The following SLC39A11 variants were observed in gnomAD, a reference collection of about 807,000 sequenced individuals.
SLC39A11 encodes the protein zinc transporter ZIP11.
SLC39A11 carries 33 observed loss-of-function variants against 36.1 expected under a neutral mutation model. The ratio of observed to expected loss-of-function variants is 0.91; its 90% CI spans 0.69 to 1.22. SLC39A11 has a LOEUF of 1.22. Ranked by LOEUF, SLC39A11 falls within the 50% of genes most tolerant of loss-of-function variation. The probability of loss-of-function intolerance (pLI) is 0.00; values close to 1 mark genes in which losing one functional copy is unlikely to be tolerated. For synonymous variants in SLC39A11, 166 were observed against 170.3 expected, an observed-to-expected ratio of 0.97 and a Z score of 0.20; for missense variants, 432 against 430.3, an observed-to-expected ratio of 1.00 and a Z score of -0.03.
intron 5 of SLC39A11, among the ~76,000 whole-genome samples, chr17:72,909,949 T>C (rs1223975875): frequency 6.6e-6 from 1 of 151,922 alleles, no homozygotes; most frequent in Admixed American, 6.6e-5. Flanking sequence ...AGACGGGGTT[T>C]CACCGTGTTA....
intron 7 of SLC39A11, among the ~76,000 whole-genome samples, chr17:72,670,526 T>A (rs1286075966): frequency 1.3e-5 from 2 of 152,224 alleles, no homozygotes; most frequent in South Asian, 4.1e-4. Flanking sequence ...TTAATTGAAA[T>A]TTATCTATAA....
At position 72,926,429 on chromosome 17, in the gene SLC39A11, G is replaced by A. The variant is rs114438954; in HGVS notation, c.430+21323C>T. Among the ~76,000 whole-genome samples the A allele has an allele frequency of 4.0e-3, 605 of 152,294 alleles. 4 individuals carry two copies. The highest frequency in any genetic ancestry group is 0.013 in the African/African-American group (556 of 41,578). ...CAATATCAGGGATTGTGTTTGTCTTGTGAAGTCCTTTTTGCCCCTCAGGGA... is the reference window on the plus strand; with the variant it reads ...CAATATCAGGGATTGTGTTTGTCTTATGAAGTCCTTTTTGCCCCTCAGGGA... On this transcript the variant is annotated intron_variant, in intron 5 of 9. Coordinates refer to ENST00000255559, the MANE Select transcript of SLC39A11 (RefSeq NM_139177.4).
At chr17:72,773,929 G>A (rs1474041530) in intron 6 of SLC39A11, among the ~76,000 whole-genome samples, 1 of 152,336 alleles carries the variant, frequency 6.6e-6, no homozygotes, top group Non-Finnish European at 1.5e-5. Context: ...TCCCACAGAT[G>A]AGCCTGGACT....
chr17:72,762,312 G>A (rs1463525347), intron 6 of SLC39A11, among the ~76,000 whole-genome samples: 1 of 152,210 alleles, frequency 6.6e-6, no homozygotes, highest in East Asian at 1.9e-4. Flanking sequence ...GTGACCTTTG[G>A]TCGTCCTCAC....
At chr17:72,868,618 C>CAAAAAAAAAAAAAA (rs71354894) in intron 5 of SLC39A11, among the ~76,000 whole-genome samples, 48 of 56,490 alleles carry the variant, frequency 8.5e-4, no homozygotes, top group Non-Finnish European at 1.1e-3. Flanking sequence ...CCTGTCTCTA[C>CAAAAAAAAAAAAAA]AAAAAAAAAA....
At chr17:73,005,901 A>G (rs191541408) in intron 4 of SLC39A11, among the ~76,000 whole-genome samples, 142 of 152,028 alleles carry the variant, frequency 9.3e-4, no homozygotes, top group Non-Finnish European at 1.5e-3. Context: ...CAGTGAGCCG[A>G]GATCACACCA....
At chr17:73,092,418 C>G (rs2060955759) in intron 1 of SLC39A11, 193 bp downstream of exon 1, 2 of 151,282 alleles carry the variant, frequency 1.3e-5, no homozygotes, top group South Asian at 4.2e-4. Context: ...CCCACCGCCC[C>G]TCACCCTCCC....
chr17:72,743,103 G>T (rs2074779153), intron 6 of SLC39A11, among the ~76,000 whole-genome samples: 1 of 152,188 alleles, frequency 6.6e-6, no homozygotes, highest in Admixed American at 6.5e-5. Flanking sequence ...GCTGACTTGT[G>T]ACATAAATGC....
intron 4 of SLC39A11, among the ~76,000 whole-genome samples, chr17:72,986,931 T>C (rs985308527): frequency 2.6e-5 from 4 of 152,196 alleles, no homozygotes; most frequent in Non-Finnish European, 5.9e-5. Context: ...TATTGTCCAA[T>C]AAACCACAAA....
At chr17:72,898,489 C>G (rs2082144566) in intron 5 of SLC39A11, among the ~76,000 whole-genome samples, 2 of 152,102 alleles carry the variant, frequency 1.3e-5, no homozygotes, top group Non-Finnish European at 2.9e-5. Context: ...GGACCAGACC[C>G]AAGAATCTTA....
At chr17:72,737,067 G>GGA (rs35724592) in intron 6 of SLC39A11, among the ~76,000 whole-genome samples, 37,230 of 152,068 alleles carry the variant, frequency 0.24, 4,768 homozygotes, top group Non-Finnish European at 0.27. Context: ...CCTGAGGTCA[G>GGA]GAGTTCGAGA....
At chr17:72,785,192 A>G (rs1186489938) in intron 6 of SLC39A11, among the ~76,000 whole-genome samples, 1 of 152,194 alleles carries the variant, frequency 6.6e-6, no homozygotes, top group African/African-American at 2.4e-5. Flanking sequence ...GTATTTCTTT[A>G]TAGCAATGCA....
At chr17:72,752,836 T>C (rs1241884971) in intron 6 of SLC39A11, among the ~76,000 whole-genome samples, 1 of 152,138 alleles carries the variant, frequency 6.6e-6, no homozygotes, top group Non-Finnish European at 1.5e-5. Flanking sequence ...CATCTTTGTT[T>C]CTGGAGTTTT....
chr17:73,023,647 G>A lies in SLC39A11; in HGVS notation c.306+7909C>T, dbSNP rs540267440. On this transcript the variant is annotated intron_variant, in intron 4 of 9. Transcript: ENST00000255559. ...TGGGACTACAGGTGTGTGCCACCAC[G>A]CCTGGCTAATTTTTTGTATTTTTAG... 5.9e-5 allele frequency among the ~76,000 whole-genome samples: 9 copies of A among 152,124 alleles called. No homozygotes were observed. The South Asian group carries it at 6.2e-4, about 11-fold the overall frequency.
chr17:73,019,420 A>T (rs909468068), intron 4 of SLC39A11, among the ~76,000 whole-genome samples: 4 of 152,214 alleles, frequency 2.6e-5, no homozygotes, highest in Non-Finnish European at 5.9e-5. Flanking sequence ...AAATAGTATG[A>T]ACCAAAGAGG....
At position 73,004,232 on chromosome 17, in the gene SLC39A11, A is replaced by AAAGAAAAGAAAAGAAAAG; in HGVS notation, c.306+27323_306+27324insCTTTTCTTTTCTTTTCTT. 3.9e-4 allele frequency among the ~76,000 whole-genome samples: 35 copies of AAAGAAAAGAAAAGAAAAG among 88,706 alleles called. 1 individual carries two copies. The highest frequency in any genetic ancestry group is 6.3e-3 in the Middle Eastern group (1 of 160). 58.2% of individuals were successfully genotyped at this position (88,706 alleles called of 152,430 possible). On this transcript the variant is annotated intron_variant, in intron 4 of 9. Coordinates refer to ENST00000255559, the MANE Select transcript of SLC39A11 (RefSeq NM_139177.4). ...GAAAGAAAGAAAGAAAGAAAGAAAG[A>AAAGAAAAGAAAAGAAAAG]AAAGAAAGAAAGAGAAAAAGCAAGC...
chr17:72,913,574 AG>A (rs1277738279), intron 5 of SLC39A11, among the ~76,000 whole-genome samples: 1 of 152,120 alleles, frequency 6.6e-6, no homozygotes, highest in Non-Finnish European at 1.5e-5. Context: ...AGTAGGGGGT[AG>A]GGGGAGAGAG....
intron 6 of SLC39A11, among the ~76,000 whole-genome samples, chr17:72,801,172 T>G (rs1309797904): frequency 2.0e-5 from 3 of 152,216 alleles, no homozygotes; most frequent in African/African-American, 7.2e-5. Context: ...GGTTGGGGGA[T>G]GCTGGCTAAG....
At chr17:72,896,556 C>G (rs1567904139) in intron 5 of SLC39A11, among the ~76,000 whole-genome samples, 1 of 151,982 alleles carries the variant, frequency 6.6e-6, no homozygotes, top group Admixed American at 6.6e-5. Flanking sequence ...ACCCCAACAG[C>G]GTACCGAAAG....
Sources: gnomAD v4.1 joint callset for allele counts (sites outside exome capture counted in the v4.1 genomes callset) on GRCh38, gnomAD v4.1.1 for gene constraint, MANE v1.5 for transcripts, NCBI Gene and HGNC (gene_info 2026-07-23, HGNC 2026-07-21) for gene names.